UNC13C: variants seen among roughly 807,000 people sequenced by gnomAD.
UNC13C encodes the protein unc-13 homolog C.
Under a neutral mutation model 245.4 loss-of-function variants are expected in UNC13C, and 174 were observed. The ratio of observed to expected loss-of-function variants is 0.71; its 90% CI spans 0.63 to 0.80. The LOEUF (loss-of-function observed/expected upper bound fraction) is 0.80. Ranked by LOEUF, UNC13C falls within the 30% of genes least tolerant of loss-of-function variation. The pLI is 0.00. For synonymous variants in UNC13C, 992 were observed against 895.1 expected (o/e 1.11, Z -1.93); for missense variants, 2,829 against 2,602.9 (o/e 1.09, Z -1.89).
chr15:54,283,522 C>T (rs182272563), intron 10 of UNC13C, among the ~76,000 whole-genome samples: 3 of 151,788 alleles, frequency 2.0e-5, no homozygotes, highest in Admixed American at 2.0e-4. Flanking sequence ...TAATCAATCT[C>T]CTGGGTTTTA....
chr15:54,531,931 T>C (rs1364289975), intron 25 of UNC13C, among the ~76,000 whole-genome samples: 1 of 152,180 alleles, frequency 6.6e-6, no homozygotes, highest in Non-Finnish European at 1.5e-5. Flanking sequence ...TCATACAATA[T>C]GTGGTCTTTT....
chr15:54,455,205 C>CTCTCTCTATATATA (rs1388065398), intron 19 of UNC13C, among the ~76,000 whole-genome samples: 28 of 18,930 alleles, frequency 1.5e-3, no homozygotes, highest in Non-Finnish European at 1.8e-3. Flanking sequence ...CTCTCTCTCT[C>CTCTCTCTATATATA]TATATATATA....
chr15:54,058,018 T>TA (rs1179990278), intron 2 of UNC13C, among the ~76,000 whole-genome samples: 23 of 152,064 alleles, frequency 1.5e-4, no homozygotes, highest in Non-Finnish European at 2.9e-5. Flanking sequence ...AGGAAAGATC[T>TA]AAAATTGACA....
chr15:54,313,462 A>G (rs1190270574), intron 13 of UNC13C, among the ~76,000 whole-genome samples: 1 of 151,810 alleles, frequency 6.6e-6, no homozygotes, highest in Admixed American at 6.6e-5. Flanking sequence ...AATTTTGCTG[A>G]TTCAAATTTT....
chr15:54,321,235 C>T, intron 13 of UNC13C: 1 of 487,644 alleles, frequency 2.1e-6, no homozygotes. Flanking sequence ...AAAGGTTACA[C>T]AAGCAAGACC....
At chr15:54,572,070 C>A (rs1226283307) in intron 30 of UNC13C, among the ~76,000 whole-genome samples, 2 of 152,106 alleles carry the variant, frequency 1.3e-5, no homozygotes, top group African/African-American at 4.8e-5. Context: ...AGACCACTTA[C>A]CTTTTGATGC....
At chr15:54,059,283 A>C (rs1034635433) in intron 2 of UNC13C, among the ~76,000 whole-genome samples, 7 of 152,200 alleles carry the variant, frequency 4.6e-5, no homozygotes, top group Non-Finnish European at 8.8e-5. Context: ...ATACAAAATC[A>C]GTGTGCAAAA....
chr15:54,470,474 G>A (rs572060194), intron 19 of UNC13C, among the ~76,000 whole-genome samples: 14 of 151,514 alleles, frequency 9.2e-5, no homozygotes, highest in South Asian at 8.3e-4. Flanking sequence ...AGTCTTGGTA[G>A]GTTATATGAT....
intron 17 of UNC13C, among the ~76,000 whole-genome samples, chr15:54,388,133 C>T (rs953818117): frequency 6.6e-6 from 1 of 152,150 alleles, no homozygotes; most frequent in African/African-American, 2.4e-5. Context: ...ACCTCAATTT[C>T]CTGTCCTGCC....
At chr15:54,259,227 G>A (rs564560329) in intron 8 of UNC13C, among the ~76,000 whole-genome samples, 1 of 152,330 alleles carries the variant, frequency 6.6e-6, no homozygotes, top group East Asian at 1.9e-4. Flanking sequence ...CAAACATTCA[G>A]ACTACGCCAG....
intron 19 of UNC13C, among the ~76,000 whole-genome samples, chr15:54,438,711 G>T (rs1890358901): frequency 6.6e-6 from 1 of 151,918 alleles, no homozygotes; most frequent in Admixed American, 6.6e-5. Context: ...AGCTGGTGGT[G>T]AGGAAATATT....
At chr15:54,143,072 G>A (rs748272393) in intron 3 of UNC13C, 32 bp downstream of exon 3, 3 of 1,597,058 alleles carry the variant, frequency 1.9e-6, no homozygotes, top group Non-Finnish European at 2.6e-6. Context: ...TCCCTCCTGA[G>A]GAATCTTGTC....
At chr15:54,611,058 A>G (rs1452586364) in intron 30 of UNC13C, among the ~76,000 whole-genome samples, 1 of 152,208 alleles carries the variant, frequency 6.6e-6, no homozygotes, top group Non-Finnish European at 1.5e-5. Context: ...ATGAGGTGGC[A>G]TATTAAGTGA....
At chr15:54,603,353 C>CA (rs1454356184) in intron 30 of UNC13C, among the ~76,000 whole-genome samples, 2 of 152,168 alleles carry the variant, frequency 1.3e-5, no homozygotes, top group Non-Finnish European at 2.9e-5. Flanking sequence ...AAACACTTGA[C>CA]ACAAATCACT....
At chr15:54,135,116 G>GA (rs2031663372) in intron 2 of UNC13C, among the ~76,000 whole-genome samples, 1 of 151,482 alleles carries the variant, frequency 6.6e-6, no homozygotes, top group South Asian at 2.1e-4. Flanking sequence ...TGTCTTTTTT[G>GA]AAAAAAATAC....
At chr15:54,589,587 G>C (rs772714400) in intron 30 of UNC13C, among the ~76,000 whole-genome samples, 1 of 151,814 alleles carries the variant, frequency 6.6e-6, no homozygotes, top group South Asian at 2.1e-4. Context: ...ATGAGCCACC[G>C]CGCCCAGCCA....
the UNC13C span, among the ~76,000 whole-genome samples, chr15:53,854,130 T>G: frequency 1.7e-4 from 8 of 47,192 alleles, no homozygotes; most frequent in Admixed American, 3.6e-4. Context: ...AGGTTTTTTT[T>G]TTTTTTTTGA....
chr15:54,571,273 G>T (rs1290115103), intron 30 of UNC13C, among the ~76,000 whole-genome samples: 2 of 152,210 alleles, frequency 1.3e-5, no homozygotes, highest in Non-Finnish European at 2.9e-5. Flanking sequence ...AGACAAAGGA[G>T]GGGCAAAGGC....
intron 1 of UNC13C, among the ~76,000 whole-genome samples, chr15:53,996,193 A>G (rs999681892): frequency 6.6e-6 from 1 of 152,192 alleles, no homozygotes; most frequent in Non-Finnish European, 1.5e-5. Context: ...GATGTACAGC[A>G]AACATACAGT....
Sources: gnomAD v4.1 joint callset for allele counts (sites outside exome capture counted in the v4.1 genomes callset) on GRCh38, gnomAD v4.1.1 for gene constraint, MANE v1.5 for transcripts, NCBI Gene and HGNC (gene_info 2026-07-23, HGNC 2026-07-21) for gene names.